Variants in UBE2H observed in about 807,000 individuals in gnomAD.
The protein encoded by UBE2H is ubiquitin-conjugating enzyme E2 H.
A neutral mutation model predicts 29.0 loss-of-function variants in UBE2H; 3 were observed. The ratio of observed to expected loss-of-function variants is 0.10; its 90% CI spans 0.05 to 0.27. The LOEUF is 0.27. UBE2H is among the 10% of genes least tolerant of loss of function. The probability of loss-of-function intolerance (pLI) is 1.00; values close to 1 mark genes in which losing one functional copy is unlikely to be tolerated. For synonymous variants in UBE2H, 69 were observed against 82.9 expected, an observed-to-expected ratio of 0.83 and a Z score of 0.91; for missense variants, 68 against 228.2, an observed-to-expected ratio of 0.30 and a Z score of 4.52.
chr7:129,872,767 C>T (rs1206487222), intron 3 of UBE2H, among the ~76,000 whole-genome samples: 3 of 130,558 alleles, frequency 2.3e-5, no homozygotes, highest in Non-Finnish European at 4.7e-5. Flanking sequence ...TGCTTGAACC[C>T]GGGAGGCAGA....
chr7:129,850,688 G>A (rs1011174807), intron 5 of UBE2H, among the ~76,000 whole-genome samples: 3 of 151,990 alleles, frequency 2.0e-5, no homozygotes, highest in South Asian at 2.1e-4. Context: ...GGTGGCAGGC[G>A]CCTGTAATCC....
chr7:129,858,055 G>A (rs756442106), intron 4 of UBE2H, among the ~76,000 whole-genome samples: 41 of 152,248 alleles, frequency 2.7e-4, no homozygotes, highest in Admixed American at 1.2e-3. Context: ...GCAGTTTAAA[G>A]AAACATGACA....
intron 5 of UBE2H, among the ~76,000 whole-genome samples, chr7:129,855,858 C>T (rs1045399498): frequency 1.3e-5 from 2 of 152,164 alleles, no homozygotes; most frequent in Non-Finnish European, 2.9e-5. Flanking sequence ...TATCGCACCA[C>T]TGCATTCCAG....
At chr7:129,866,092 T>G (rs1805899690) in intron 3 of UBE2H, among the ~76,000 whole-genome samples, 1 of 152,206 alleles carries the variant, frequency 6.6e-6, no homozygotes, top group Admixed American at 6.5e-5. Flanking sequence ...TTCAGAAATC[T>G]GAGCCTTTCC....
intron 1 of UBE2H, among the ~76,000 whole-genome samples, chr7:129,896,285 C>A (rs1048978758): frequency 4.0e-5 from 6 of 150,662 alleles, no homozygotes; most frequent in Admixed American, 3.3e-4. Flanking sequence ...TGCAGTGAGC[C>A]GAGATCACAC....
chr7:129,850,861 A>C (rs779759304), intron 5 of UBE2H, among the ~76,000 whole-genome samples: 5 of 131,814 alleles, frequency 3.8e-5, no homozygotes, highest in Non-Finnish European at 6.5e-5. Context: ...GGGAAGGGGG[A>C]TGGGGGGAGG....
chr7:129,843,763 C>T (rs546339128), intron 5 of UBE2H, among the ~76,000 whole-genome samples: 198 of 152,276 alleles, frequency 1.3e-3, no homozygotes, highest in Non-Finnish European at 2.2e-3. Flanking sequence ...GGAGGTAACC[C>T]GCAGACACCT....
chr7:129,834,991 C>T lies in UBE2H; in HGVS notation c.498G>A (p.Ser166=), dbSNP rs1345136038. Residue 166 remains serine (S), a synonymous_variant, in exon 7 of 7, where the codon TCG becomes TCA. Transcript: ENST00000355621. ...EQEEGTGDSS[S]ESSMSDFSED... is the part of the protein sequence containing the mutation. ...CGGAAAAGTCAGACATAGAGCTCTC[C>T]GATGAGCTGTCCCCGGTACCCTCTT... 16 of 1,614,050 alleles carry T rather than the reference C, an allele frequency of 9.9e-6. No homozygotes were observed. Among genetic ancestry groups the T allele is most frequent in the Admixed American group, 5.0e-5 (3 of 60,020 alleles).
Position 129,846,346 on chromosome 7 carries a change from AAATAATAATAATAATAAT to A in UBE2H, c.299-7029_299-7012del, listed in dbSNP as rs71175044. 5.3e-4 allele frequency among the ~76,000 whole-genome samples: 77 copies of A among 146,392 alleles called. 1 individual carries two copies. Among genetic ancestry groups the A allele is most frequent in the African/African-American group, 1.8e-3 (72 of 39,388 alleles). On this transcript the variant is annotated intron_variant, in intron 5 of 6. Coordinates refer to ENST00000355621, the MANE Select transcript of UBE2H (RefSeq NM_003344.4). Reference sequence around the variant, plus strand: ...AACATAGGGAGATCCGGTCTCTACAAAATAATAATAATAATAATAATAATAATAATAATAATAATAATT... The same window carrying A: ...AACATAGGGAGATCCGGTCTCTACAAAATAATAATAATAATAATAATAATT...
chr7:129,932,741 T>C (rs1043752993), intron 1 of UBE2H, among the ~76,000 whole-genome samples: 2 of 122,760 alleles, frequency 1.6e-5, no homozygotes, highest in Non-Finnish European at 3.1e-5. Flanking sequence ...GCCATTGCAC[T>C]CCAGCCTGGG....
chr7:129,858,614 C>T (rs1005627271), intron 4 of UBE2H, among the ~76,000 whole-genome samples: 2 of 152,058 alleles, frequency 1.3e-5, no homozygotes, highest in Non-Finnish European at 2.9e-5. Flanking sequence ...TGAACTGTGT[C>T]TACAAAAAGA....
intron 1 of UBE2H, among the ~76,000 whole-genome samples, chr7:129,910,507 C>A (rs1047989003): frequency 6.6e-6 from 1 of 152,130 alleles, no homozygotes; most frequent in African/African-American, 2.4e-5. Context: ...AACCAAGACT[C>A]CATCAAACCG....
intron 3 of UBE2H, among the ~76,000 whole-genome samples, chr7:129,876,326 G>A (rs188823435): frequency 6.6e-6 from 1 of 152,100 alleles, no homozygotes; most frequent in Non-Finnish European, 1.5e-5. Flanking sequence ...CCAGTCCACT[G>A]ACCAATCACA....
At chr7:129,840,728 T>C (rs187252506) in intron 5 of UBE2H, among the ~76,000 whole-genome samples, 3 of 152,348 alleles carry the variant, frequency 2.0e-5, no homozygotes, top group Admixed American at 2.0e-4. Context: ...TGCTTTGTCA[T>C]GTTTTATATA....
At chr7:129,879,506 G>T in intron 3 of UBE2H, 62 bp downstream of exon 3, 4 of 1,483,960 alleles carry the variant, frequency 2.7e-6, no homozygotes, top group South Asian at 2.4e-5. Flanking sequence ...CCCCTGAAAT[G>T]TAAGATTTTT....
chr7:129,919,651 G>C (rs1807117021), intron 1 of UBE2H, among the ~76,000 whole-genome samples: 1 of 152,114 alleles, frequency 6.6e-6, no homozygotes, highest in Admixed American at 6.6e-5. Flanking sequence ...CATTTCCCTA[G>C]GCAGGCTGCA....
intron 1 of UBE2H, among the ~76,000 whole-genome samples, chr7:129,900,623 ATTT>A (rs547670114): frequency 1.3e-5 from 2 of 151,540 alleles, no homozygotes; most frequent in Non-Finnish European, 2.9e-5. Flanking sequence ...GACCATGTAA[ATTT>A]TTTTTTATTA....
chr7:129,881,912 T>C (rs1806262420), intron 1 of UBE2H, among the ~76,000 whole-genome samples: 1 of 152,150 alleles, frequency 6.6e-6, no homozygotes, highest in Non-Finnish European at 1.5e-5. Flanking sequence ...TGATACAACC[T>C]TGCCACAAGC....
In UBE2H at chr7:129,834,840, G is replaced by C; in HGVS notation, c.*97C>G. 1.4e-6 allele frequency: 2 copies of C among 1,452,400 alleles called. No individual in the cohort carries two copies. Among genetic ancestry groups the C allele is most frequent in the Non-Finnish European group, 1.9e-6 (2 of 1,080,396 alleles). 90.0% of individuals were successfully genotyped at this position (1,452,400 alleles called of 1,614,324 possible). A position where few individuals can be genotyped will look rare whatever the true frequency, so the allele number is the denominator to read the frequency against. ...CTATTATTCATAAAAACCTTGTTTA[G>C]TAATAAAAAAAATTGCTTTGTTTAA... is the stretch of plus-strand genomic sequence containing the variant. On this transcript the variant is annotated 3_prime_UTR_variant, in exon 7 of 7. Transcript: ENST00000355621.
Sources: allele counts gnomAD v4.1 joint callset (sites outside exome capture counted in the v4.1 genomes callset), GRCh38; gene constraint gnomAD v4.1.1; transcripts MANE v1.5; gene names NCBI Gene and HGNC (gene_info 2026-07-23, HGNC 2026-07-21).